RHBDD1: variants seen among roughly 807,000 people sequenced by gnomAD.
The protein encoded by RHBDD1 is rhomboid-related protein 4.
Under a neutral mutation model 36.3 loss-of-function variants are expected in RHBDD1, and 38 were observed. That is an observed-to-expected ratio of 1.05 (90% CI 0.81 to 1.37). The LOEUF is 1.37. Ranked by LOEUF, RHBDD1 falls within the 40% of genes most tolerant of loss-of-function variation. The probability of loss-of-function intolerance (pLI) is 0.00; values close to 1 mark genes in which losing one functional copy is unlikely to be tolerated. For missense variants in RHBDD1, 393 were observed against 377.6 expected (o/e 1.04, Z -0.34); for synonymous variants, 151 against 136.5 (o/e 1.11, Z -0.74).
At chr2:226,904,879 G>A (rs932598772) in intron 5 of RHBDD1, among the ~76,000 whole-genome samples, 37 of 152,124 alleles carry the variant, frequency 2.4e-4, no homozygotes, top group African/African-American at 8.7e-4. Flanking sequence ...TGATTGCCGT[G>A]GCTCAGCAAG....
Position 226,995,817 on chromosome 2 carries a change from C to T in RHBDD1, c.*295C>T, listed in dbSNP as rs527717109. The T allele has an allele frequency of 5.2e-6, 2 of 384,158 alleles. No individual in the cohort carries two copies. Among genetic ancestry groups the T allele is most frequent in the Middle Eastern group, 7.1e-4 (1 of 1,406 alleles). 23.8% of individuals were successfully genotyped at this position (384,158 alleles called of 1,614,324 possible). ...TGCTGACTCAGCGATGCCTCTGCCT[C>T]GGTCTGCTTTTGAAGACTGTGACCT... On this transcript the variant is annotated 3_prime_UTR_variant, in exon 9 of 9. Coordinates refer to ENST00000392062, the MANE Select transcript of RHBDD1 (RefSeq NM_001167608.3).
chr2:226,912,384 C>T (rs1948583037), intron 7 of RHBDD1, among the ~76,000 whole-genome samples: 1 of 152,088 alleles, frequency 6.6e-6, no homozygotes, highest in African/African-American at 2.4e-5. Flanking sequence ...ACCATATGTC[C>T]ACCTAAAAAC....
At chr2:226,822,379 A>G in the RHBDD1 span, among the ~76,000 whole-genome samples, 5 of 152,336 alleles carry the variant, frequency 3.3e-5, no homozygotes, top group South Asian at 1.0e-3. Context: ...TCACGCCTGT[A>G]ATCCCAGCAC....
chr2:226,907,401 T>A (rs188067460), intron 6 of RHBDD1, among the ~76,000 whole-genome samples: 4 of 152,334 alleles, frequency 2.6e-5, no homozygotes, highest in East Asian at 1.9e-4. Context: ...CTGCTTTTTT[T>A]AATTTTGTTT....
chr2:226,952,215 A>G (rs572640077), intron 8 of RHBDD1, among the ~76,000 whole-genome samples: 27 of 150,036 alleles, frequency 1.8e-4, no homozygotes, highest in African/African-American at 6.4e-4. Context: ...AGAGGCCCAC[A>G]TTTATTTTTG....
At chr2:226,928,007 C>G (rs1949780416) in intron 8 of RHBDD1, among the ~76,000 whole-genome samples, 1 of 151,998 alleles carries the variant, frequency 6.6e-6, no homozygotes, top group Non-Finnish European at 1.5e-5. Flanking sequence ...ATCTAAGAAT[C>G]TTTTGATGTA....
At chr2:226,990,561 G>A (rs1026776592) in intron 8 of RHBDD1, among the ~76,000 whole-genome samples, 1 of 152,194 alleles carries the variant, frequency 6.6e-6, no homozygotes, top group Non-Finnish European at 1.5e-5. Context: ...CATGGATGGC[G>A]AACGGTAGGG....
chr2:226,936,218 A>G (rs1355892340), intron 8 of RHBDD1, among the ~76,000 whole-genome samples: 1 of 152,124 alleles, frequency 6.6e-6, no homozygotes, highest in Admixed American at 6.6e-5. Context: ...TAAAAGTTTG[A>G]TATTTGAGAA....
intron 8 of RHBDD1, among the ~76,000 whole-genome samples, chr2:226,974,235 A>G (rs1256421017): frequency 2.6e-5 from 4 of 150,990 alleles, no homozygotes; most frequent in Non-Finnish European, 5.9e-5. Flanking sequence ...TTTTTATTTT[A>G]TTTTATTTTA....
intron 8 of RHBDD1, among the ~76,000 whole-genome samples, chr2:226,948,574 A>AT (rs1951178855): frequency 5.1e-5 from 5 of 97,836 alleles, no homozygotes; most frequent in East Asian, 2.6e-4. Flanking sequence ...TAAAAAAAAA[A>AT]AAAAAAAAAA....
chr2:226,910,096 A>G (rs867033903), intron 7 of RHBDD1, among the ~76,000 whole-genome samples: 60 of 152,318 alleles, frequency 3.9e-4, no homozygotes, highest in African/African-American at 1.3e-3. Context: ...CTGTGTAAGG[A>G]TATGAGATTG....
intron 8 of RHBDD1, among the ~76,000 whole-genome samples, chr2:226,977,385 T>A (rs140232173): frequency 6.6e-6 from 1 of 152,192 alleles, no homozygotes; most frequent in African/African-American, 2.4e-5. Context: ...CGGCTGGAAT[T>A]CATGAGAATG....
At chr2:226,819,985 T>G in the RHBDD1 span, among the ~76,000 whole-genome samples, 4 of 151,586 alleles carry the variant, frequency 2.6e-5, no homozygotes, top group South Asian at 4.2e-4. Flanking sequence ...GTGTTTTTTT[T>G]TTTTTTTTTT....
chr2:226,896,539 C>T (rs1006557662), intron 5 of RHBDD1, among the ~76,000 whole-genome samples: 5 of 152,132 alleles, frequency 3.3e-5, no homozygotes, highest in Non-Finnish European at 5.9e-5. Context: ...CATCTTTTAC[C>T]GGGACTACAT....
At chr2:226,879,734 A>G (rs942916679) in intron 5 of RHBDD1, among the ~76,000 whole-genome samples, 1 of 152,238 alleles carries the variant, frequency 6.6e-6, no homozygotes, top group African/African-American at 2.4e-5. Context: ...CAAAAGATAC[A>G]TTGGGAGTCC....
intron 5 of RHBDD1, among the ~76,000 whole-genome samples, chr2:226,869,497 TG>T (rs1186889811): frequency 6.6e-6 from 1 of 152,208 alleles, no homozygotes; most frequent in African/African-American, 2.4e-5. Flanking sequence ...GGGAAAACAC[TG>T]TAAATCTTTA....
intron 4 of RHBDD1, 83 bp from the exon 5 acceptor site, chr2:226,867,103 C>A: frequency 7.6e-7 from 1 of 1,321,342 alleles, no homozygotes; most frequent in Non-Finnish European, 1.0e-6. Flanking sequence ...TAATCATTTT[C>A]ACTTTTAATT....
At chr2:226,858,133 A>G (rs1422337579) in intron 3 of RHBDD1, among the ~76,000 whole-genome samples, 1 of 152,208 alleles carries the variant, frequency 6.6e-6, no homozygotes, top group Non-Finnish European at 1.5e-5. Flanking sequence ...ACTGAGTTTG[A>G]GTGATAAGAA....
chr2:226,951,306 A>G (rs547672404), intron 8 of RHBDD1, among the ~76,000 whole-genome samples: 1 of 152,306 alleles, frequency 6.6e-6, no homozygotes, highest in South Asian at 2.1e-4. Flanking sequence ...AGGATATACA[A>G]TTCAGCGAAT....
Sources: allele counts gnomAD v4.1 joint callset (sites outside exome capture counted in the v4.1 genomes callset), GRCh38; gene constraint gnomAD v4.1.1; transcripts MANE v1.5; gene names NCBI Gene and HGNC (gene_info 2026-07-23, HGNC 2026-07-21).